The following MTREX variants were observed in gnomAD, a reference collection of about 807,000 sequenced individuals.
The protein encoded by MTREX is exosome RNA helicase MTR4.
A neutral mutation model predicts 135.4 loss-of-function variants in MTREX; 76 were observed. The observed-to-expected ratio is 0.56, with a 90% CI of 0.47 to 0.68. The LOEUF (loss-of-function observed/expected upper bound fraction) is 0.68, where lower values mean the gene tolerates loss of function less well. Among genes scored for constraint, MTREX ranks in the 30% least tolerant of loss-of-function variants. The pLI is 0.00. For missense variants in MTREX, 920 were observed against 1,262.1 expected (o/e 0.73, Z 4.11); for synonymous variants, 404 against 401.6 (o/e 1.01, Z -0.07).
At chr5:55,381,949 T>C (rs1278141678) in intron 18 of MTREX, among the ~76,000 whole-genome samples, 1 of 152,218 alleles carries the variant, frequency 6.6e-6, no homozygotes, top group East Asian at 1.9e-4. Context: ...TATTTTGTTT[T>C]GTATCAGCAT....
chr5:55,378,233 A>C (rs1750337746), intron 16 of MTREX, 81 bp from the exon 17 acceptor site: 1 of 1,437,838 alleles, frequency 7.0e-7, no homozygotes, highest in Non-Finnish European at 9.2e-7. Flanking sequence ...GCACCAACCT[A>C]ATAGAAAAAA....
At chr5:55,420,929 T>TA (rs1323246648) in intron 25 of MTREX, among the ~76,000 whole-genome samples, 1 of 152,244 alleles carries the variant, frequency 6.6e-6, no homozygotes, top group African/African-American at 2.4e-5. Context: ...AACTGACTTG[T>TA]ATACTTTAAC....
chr5:55,368,914 C>T (rs1160533247), intron 16 of MTREX, among the ~76,000 whole-genome samples: 2 of 151,902 alleles, frequency 1.3e-5, no homozygotes, highest in Non-Finnish European at 2.9e-5. Flanking sequence ...TTTTTAAAAA[C>T]CTTATAACAT....
At chr5:55,415,923 A>T in intron 24 of MTREX, 47 bp from the exon 25 acceptor site, 1 of 1,347,886 alleles carries the variant, frequency 7.4e-7, no homozygotes, top group Non-Finnish European at 1.0e-6. Flanking sequence ...GAATAAAGTG[A>T]TATGGGAGAT....
At position 55,415,817 on chromosome 5, in the gene MTREX, G is replaced by A. The variant is rs894963414; in HGVS notation, c.2809-153G>A. On this transcript the variant is annotated intron_variant, in intron 24 of 26. Transcript: ENST00000230640. ...CGTTTAATCACTTAGCAATGGAACA[G>A]GCACTGTGCCTACTTAGGAGCAGAA... 2.2e-4 allele frequency among the ~76,000 whole-genome samples: 33 copies of A among 152,098 alleles called. 1 individual carries two copies. Among genetic ancestry groups the A allele is most frequent in the Non-Finnish European group, 7.4e-5 (5 of 68,004 alleles).
At chr5:55,414,423 A>G (rs1240806703) in intron 24 of MTREX, among the ~76,000 whole-genome samples, 185 bp downstream of exon 24, 1 of 152,050 alleles carries the variant, frequency 6.6e-6, no homozygotes, top group East Asian at 1.9e-4. Context: ...TGTGATTTTT[A>G]CTTTAATAAT....
At chr5:55,361,629 A>AT (rs543015977) in intron 15 of MTREX, among the ~76,000 whole-genome samples, 9 of 149,918 alleles carry the variant, frequency 6.0e-5, no homozygotes, top group South Asian at 2.1e-4. Flanking sequence ...TAATTTTTGT[A>AT]TTTTTTTTAG....
At chr5:55,414,343 GAT>G in intron 24 of MTREX, 105 bp downstream of exon 24, 3 of 910,686 alleles carry the variant, frequency 3.3e-6, no homozygotes, top group Non-Finnish European at 4.7e-6. Context: ...ATTTCACAGA[GAT>G]AACCTATAAG....
chr5:55,421,861 T>G (rs1477021275), intron 25 of MTREX, among the ~76,000 whole-genome samples: 1 of 152,160 alleles, frequency 6.6e-6, no homozygotes, highest in Non-Finnish European at 1.5e-5. Context: ...GCATAAACAT[T>G]TAATATCTGA....
chr5:55,367,205 G>T (rs1456998584), intron 16 of MTREX, among the ~76,000 whole-genome samples: 2 of 152,136 alleles, frequency 1.3e-5, no homozygotes, highest in Non-Finnish European at 2.9e-5. Context: ...AAGCACATGC[G>T]GCTGGGCGCA....
chr5:55,312,738 G>A (rs184916117), intron 1 of MTREX, among the ~76,000 whole-genome samples: 107 of 152,228 alleles, frequency 7.0e-4, no homozygotes, highest in Non-Finnish European at 1.3e-4. Context: ...CATTTGAGTT[G>A]TTTCTGTTAC....
In MTREX at chr5:55,350,983, T is replaced by C; in HGVS notation, c.1385T>C (p.Ile462Thr). The C allele has an allele frequency of 6.2e-7, 1 of 1,606,924 alleles. No homozygotes were observed. Among genetic ancestry groups the C allele is most frequent in the Non-Finnish European group, 8.5e-7 (1 of 1,178,298 alleles). Reference protein sequence around the residue: ...IGIHHGGLLPILKETIEILFS... With the variant: ...IGIHHGGLLPTLKETIEILFS... ...ATTCACCATGGTGGTTTACTTCCTA[T>C]TTTGAAAGAAACTATAGAAATTCTC... The change falls in exon 13 of 27, where the codon ATT becomes ACT. Residue 462 changes from isoleucine (I) to threonine (T), a missense_variant. Ile to Thr is a moderately conservative substitution (Grantham distance 89). This residue lies in a region of MTREX where 46 missense variants were observed against 116.8 expected (regional missense o/e 0.39). Transcript: ENST00000230640.
At chr5:55,413,121 C>G (rs1290453427) in intron 23 of MTREX, among the ~76,000 whole-genome samples, 1 of 151,932 alleles carries the variant, frequency 6.6e-6, no homozygotes, top group Admixed American at 6.6e-5. Context: ...GCGGGCAGAT[C>G]ATGAGGTCAG....
At position 55,424,742 on chromosome 5, in the gene MTREX, T is replaced by G. The variant is rs761596187; in HGVS notation, c.3099T>G (p.Asp1033Glu). The change falls in exon 27 of 27, where the codon GAT (aspartate) becomes GAG (glutamate). Residue 1033 changes from aspartate to glutamate, a missense_variant. By Grantham distance (45) the Asp-to-Glu change is conservative. This residue lies in a region of MTREX where 467 missense variants were observed against 589.7 expected (regional missense o/e 0.79). Coordinates refer to ENST00000230640, the MANE Select transcript of MTREX (RefSeq NM_015360.5). ...TAGGAATCACCAAAATCAAGAGAGA[T>G]ATTGTGTTTGCTGCCAGCCTCTACT... Reference protein sequence around the residue: ...FAEGITKIKRDIVFAASLYL With the variant: ...FAEGITKIKREIVFAASLYL The G allele has an allele frequency of 2.2e-5, 35 of 1,612,432 alleles. No individual in the cohort carries two copies. In the Middle Eastern group the frequency reaches 8.3e-4, roughly 38 times the overall value.
At chr5:55,409,896 AGCC>A (rs1750859972) in intron 22 of MTREX, among the ~76,000 whole-genome samples, 2 of 152,122 alleles carry the variant, frequency 1.3e-5, no homozygotes, top group Non-Finnish European at 2.9e-5. Context: ...ATACACTTTC[AGCC>A]TTTGGAAAAT....
At chr5:55,325,261 T>C (rs1256493837) in intron 3 of MTREX, among the ~76,000 whole-genome samples, 2 of 150,204 alleles carry the variant, frequency 1.3e-5, no homozygotes, top group Non-Finnish European at 3.0e-5. Flanking sequence ...ATTCAGGAGG[T>C]GGTACATATG....
chr5:55,402,872 G>GTGTGTGTGTGTGTA (rs70992784), intron 21 of MTREX, among the ~76,000 whole-genome samples: 4,204 of 138,710 alleles, frequency 0.03, 138 homozygotes, highest in Admixed American at 0.087. Context: ...GTGTGTGTGT[G>GTGTGTGTGTGTGTA]TATATATATA....
chr5:55,413,310 T>C (rs887370554), intron 23 of MTREX, among the ~76,000 whole-genome samples: 8 of 145,252 alleles, frequency 5.5e-5, no homozygotes, highest in African/African-American at 2.1e-4. Context: ...GCACTCCAGC[T>C]GGGCAACAGA....
chr5:55,389,292 T>C (rs1750527199), intron 19 of MTREX, among the ~76,000 whole-genome samples: 3 of 152,216 alleles, frequency 2.0e-5, no homozygotes, highest in Non-Finnish European at 4.4e-5. Context: ...ATAGCAAATA[T>C]GTGCCACACA....
Sources: gnomAD v4.1 joint callset for allele counts (sites outside exome capture counted in the v4.1 genomes callset) on GRCh38, gnomAD v4.1.1 for gene constraint, gnomAD v4.1.1 regional missense constraint, MANE v1.5 for transcripts, NCBI Gene and HGNC (gene_info 2026-07-23, HGNC 2026-07-21) for gene names.